The following ULK4 variants were observed in gnomAD, a reference collection of about 807,000 sequenced individuals.
ULK4 encodes the protein unc-51 like kinase 4.
In ULK4, 133 loss-of-function variants were observed where a neutral mutation model predicts 160.6. That is an observed-to-expected ratio of 0.83 (90% confidence interval 0.72 to 0.96). The LOEUF (loss-of-function observed/expected upper bound fraction) is 0.96, where lower values mean the gene tolerates loss of function less well. ULK4 is among the 40% of genes least tolerant of loss of function. The pLI, the probability that ULK4 is intolerant of heterozygous loss-of-function variation, is 0.00. For missense variants in ULK4, 1,580 were observed against 1,499.5 expected (o/e 1.05, Z -0.89); for synonymous variants, 534 against 539.8 (o/e 0.99, Z 0.15).
intron 17 of ULK4, among the ~76,000 whole-genome samples, chr3:41,865,714 C>T (rs917059997): frequency 2.0e-5 from 3 of 152,262 alleles, no homozygotes; most frequent in African/African-American, 7.2e-5. Flanking sequence ...TATTTGTTGA[C>T]TGGATACCAA....
intron 21 of ULK4, among the ~76,000 whole-genome samples, chr3:41,785,008 TA>T (rs2039959638): frequency 6.6e-6 from 1 of 152,174 alleles, no homozygotes; most frequent in Non-Finnish European, 1.5e-5. Context: ...GACTGCTGGA[TA>T]AATTACAAAT....
At chr3:41,479,006 C>G (rs1365992107) in intron 32 of ULK4, among the ~76,000 whole-genome samples, 1 of 152,236 alleles carries the variant, frequency 6.6e-6, no homozygotes, top group Non-Finnish European at 1.5e-5. Flanking sequence ...AGTGGAGATG[C>G]AGAGAAGAAA....
At chr3:41,429,640 C>G (rs1006982694) in intron 34 of ULK4, among the ~76,000 whole-genome samples, 1 of 151,384 alleles carries the variant, frequency 6.6e-6, no homozygotes, top group Non-Finnish European at 1.5e-5. Flanking sequence ...AATGCAGGAA[C>G]GAAAAACCAA....
At chr3:41,541,963 C>G (rs1013884296) in intron 32 of ULK4, among the ~76,000 whole-genome samples, 9 of 152,142 alleles carry the variant, frequency 5.9e-5, no homozygotes, top group Non-Finnish European at 1.2e-4. Flanking sequence ...CATCTGCAAA[C>G]AGAGACAGTT....
At chr3:41,478,215 GCT>G (rs1281315071) in intron 32 of ULK4, among the ~76,000 whole-genome samples, 1 of 152,186 alleles carries the variant, frequency 6.6e-6, no homozygotes, top group East Asian at 1.9e-4. Context: ...AGTATGATGA[GCT>G]AATTCACAAT....
At chr3:41,710,954 A>G (rs2037075034) in intron 25 of ULK4, among the ~76,000 whole-genome samples, 1 of 152,104 alleles carries the variant, frequency 6.6e-6, no homozygotes, top group Admixed American at 6.6e-5. Flanking sequence ...GGAGTTGGGG[A>G]GGAGAGGAAA....
intron 35 of ULK4, among the ~76,000 whole-genome samples, chr3:41,376,338 GC>G (rs2081493560): frequency 6.7e-6 from 1 of 150,078 alleles, no homozygotes; most frequent in South Asian, 2.2e-4. Flanking sequence ...GTTTATTGCA[GC>G]ACTATTCACA....
chr3:41,439,207 G>T (rs947371995), intron 34 of ULK4, among the ~76,000 whole-genome samples: 4 of 152,112 alleles, frequency 2.6e-5, no homozygotes, highest in Admixed American at 1.3e-4. Flanking sequence ...TTCACTGAAG[G>T]CTCAGTATCT....
In ULK4 at chr3:41,754,355, T is replaced by C. The variant is rs2038724187; in HGVS notation, c.2321+6A>G. The C allele has an allele frequency of 5.0e-6, 8 of 1,607,712 alleles. No individual in the cohort carries two copies. The highest frequency in any genetic ancestry group is 1.3e-5 in the African/African-American group (1 of 74,420). ...TTACTGATGAAACCATCAGAGAAAA[T>C]CTTACCTTGCTTGGCAACTGAGCAG... On this transcript the variant is annotated splice_donor_region_variant and intron_variant, in intron 22 of 36. Coordinates refer to ENST00000301831, the MANE Select transcript of ULK4 (RefSeq NM_017886.4).
At chr3:41,887,502 C>G (rs1697765904) in intron 16 of ULK4, among the ~76,000 whole-genome samples, 1 of 151,920 alleles carries the variant, frequency 6.6e-6, no homozygotes, top group Admixed American at 6.6e-5. Flanking sequence ...AAATATAAAC[C>G]AAAAAGCCTA....
At chr3:41,564,696 T>C (rs2087726271) in intron 32 of ULK4, among the ~76,000 whole-genome samples, 1 of 151,990 alleles carries the variant, frequency 6.6e-6, no homozygotes, top group African/African-American at 2.4e-5. Flanking sequence ...TGACCTCAAG[T>C]GATCCACAAG....
At chr3:41,838,301 A>G (rs1433187666) in intron 17 of ULK4, among the ~76,000 whole-genome samples, 1 of 152,226 alleles carries the variant, frequency 6.6e-6, no homozygotes, top group Non-Finnish European at 1.5e-5. Flanking sequence ...AATTGTAAAA[A>G]TGTCTGATTG....
At chr3:41,831,604 C>T (rs1301962902) in intron 18 of ULK4, among the ~76,000 whole-genome samples, 4 of 150,638 alleles carry the variant, frequency 2.7e-5, no homozygotes, top group East Asian at 3.9e-4. Flanking sequence ...CATAGGTATA[C>T]GTGTGCCAGA....
rs567982155 is a variant in ULK4 at position 41,546,151 on chromosome 3, A to G, written c.3226+19874T>C. Among the ~76,000 whole-genome samples the G allele has an allele frequency of 2.0e-5, 3 of 152,098 alleles. No individual in the cohort carries two copies. The South Asian group carries it at 6.2e-4, about 32-fold the overall frequency. ...TCTTCAAATTCTTTCTGTACCCCCT[A>G]AGTTTTGGTTTATGCTAGTCACTGT... is the stretch of plus-strand genomic sequence containing the variant. On this transcript the variant is annotated intron_variant, in intron 32 of 36. Coordinates refer to ENST00000301831, the MANE Select transcript of ULK4 (RefSeq NM_017886.4).
intron 32 of ULK4, among the ~76,000 whole-genome samples, chr3:41,562,516 A>G (rs1194139424): frequency 6.6e-6 from 1 of 151,688 alleles, no homozygotes; most frequent in African/African-American, 2.4e-5. Flanking sequence ...GTAGATCTCT[A>G]AGGACTTGCT....
intron 34 of ULK4, among the ~76,000 whole-genome samples, chr3:41,446,060 A>C (rs562531327): frequency 6.6e-6 from 1 of 152,132 alleles, no homozygotes; most frequent in Non-Finnish European, 1.5e-5. Flanking sequence ...AAAAAGTGGG[A>C]GAAGGATATG....
At chr3:41,697,990 C>T (rs2036556319) in intron 27 of ULK4, among the ~76,000 whole-genome samples, 1 of 152,146 alleles carries the variant, frequency 6.6e-6, no homozygotes, top group South Asian at 2.1e-4. Flanking sequence ...GGTATTTTCA[C>T]CACATCTTTT....
At chr3:41,429,972 T>G (rs1324877865) in intron 34 of ULK4, among the ~76,000 whole-genome samples, 7 of 152,178 alleles carry the variant, frequency 4.6e-5, no homozygotes, top group Non-Finnish European at 1.0e-4. Context: ...AAATTGCTGT[T>G]TACTGAATCC....
intron 35 of ULK4, among the ~76,000 whole-genome samples, chr3:41,380,372 T>G (rs908195845): frequency 1.3e-5 from 2 of 152,128 alleles, no homozygotes; most frequent in South Asian, 4.1e-4. Flanking sequence ...ATGTGAAAGA[T>G]GACATACAAG....
Sources: gnomAD v4.1 joint callset for allele counts (sites outside exome capture counted in the v4.1 genomes callset) on GRCh38, gnomAD v4.1.1 for gene constraint, MANE v1.5 for transcripts, NCBI Gene and HGNC (gene_info 2026-07-23, HGNC 2026-07-21) for gene names.